The following NUP35 variants were observed in gnomAD, a reference collection of about 807,000 sequenced individuals.
NUP35 encodes the protein nucleoporin 35, also known as nucleoporin NUP35.
A neutral mutation model predicts 41.5 loss-of-function variants in NUP35; 25 were observed. The ratio of observed to expected loss-of-function variants is 0.60; its 90% CI spans 0.44 to 0.84. The LOEUF (loss-of-function observed/expected upper bound fraction) is 0.84, where lower values mean the gene tolerates loss of function less well. Among genes scored for constraint, NUP35 ranks in the 40% least tolerant of loss-of-function variants. NUP35 has a pLI of 0.00. For synonymous variants in NUP35, 149 were observed against 130.7 expected, an observed-to-expected ratio of 1.14 and a Z score of -0.96; for missense variants, 396 against 396.6, an observed-to-expected ratio of 1.00 and a Z score of 0.01.
At chr2:183,129,097 T>G (rs934943714) in intron 2 of NUP35, among the ~76,000 whole-genome samples, 1 of 152,244 alleles carries the variant, frequency 6.6e-6, no homozygotes, top group African/African-American at 2.4e-5. Context: ...GTAATTCATC[T>G]TAAGATACAA....
At chr2:183,123,697 T>C, upstream of NUP35, 1 of 608,414 alleles carries the variant, frequency 1.6e-6, no homozygotes, top group Non-Finnish European at 2.1e-6. Flanking sequence ...TACACACACA[T>C]ATGCAGAATA....
chr2:183,126,594 G>C (rs1684497457), intron 1 of NUP35, among the ~76,000 whole-genome samples: 1 of 150,784 alleles, frequency 6.6e-6, no homozygotes, highest in Admixed American at 6.6e-5. Flanking sequence ...TGTAATTAGA[G>C]TTTTTCACAC....
chr2:183,152,110 A>ACACACACACAC (rs1685486990), intron 5 of NUP35, among the ~76,000 whole-genome samples: 2 of 113,394 alleles, frequency 1.8e-5, no homozygotes, highest in Non-Finnish European at 3.9e-5. Context: ...AACATTTACA[A>ACACACACACAC]ACACACACAC....
chr2:183,149,046 T>G (rs1386780455), intron 4 of NUP35, among the ~76,000 whole-genome samples: 2 of 152,196 alleles, frequency 1.3e-5, no homozygotes, highest in Non-Finnish European at 2.9e-5. Flanking sequence ...CACTTTGGAA[T>G]GAGTTAGGAT....
intron 5 of NUP35, among the ~76,000 whole-genome samples, chr2:183,155,792 G>T (rs1685643396): frequency 6.6e-6 from 1 of 151,980 alleles, no homozygotes; most frequent in African/African-American, 2.4e-5. Flanking sequence ...AGTAGTAGTG[G>T]TTTAACTTTT....
upstream of NUP35, chr2:183,119,949 G>C (rs1700043164): frequency 6.6e-6 from 1 of 152,194 alleles, no homozygotes; most frequent in South Asian, 2.1e-4. Context: ...CTCTTAAAGA[G>C]ATGCTTCTAC....
intron 4 of NUP35, among the ~76,000 whole-genome samples, chr2:183,138,249 A>G (rs1684952337): frequency 1.9e-5 from 2 of 104,262 alleles, no homozygotes; most frequent in Non-Finnish European, 3.8e-5. Context: ...TTAGAGCTAT[A>G]TATATATATA....
intron 4 of NUP35, among the ~76,000 whole-genome samples, chr2:183,141,193 T>G (rs1317828887): frequency 1.3e-5 from 2 of 152,084 alleles, no homozygotes; most frequent in African/African-American, 4.8e-5. Flanking sequence ...AGCATATCAT[T>G]CCATTCCCTG....
intron 1 of NUP35, among the ~76,000 whole-genome samples, chr2:183,125,698 TG>T (rs11295582): frequency 0.2 from 29,702 of 152,150 alleles, 3,051 homozygotes; most frequent in African/African-American, 0.23. Context: ...GCATATTTAT[TG>T]GGGTTACAAA....
At chr2:183,129,572 C>T (rs1205032866) in intron 2 of NUP35, among the ~76,000 whole-genome samples, 3 of 152,094 alleles carry the variant, frequency 2.0e-5, no homozygotes, top group Non-Finnish European at 2.9e-5. Context: ...TGGTAGCCAA[C>T]GTATATTGAT....
At chr2:183,160,498 C>T (rs903313101) in intron 8 of NUP35, 25 of 152,106 alleles carry the variant, frequency 1.6e-4, no homozygotes, top group African/African-American at 5.6e-4. Context: ...GGTGATTCTC[C>T]TGCCTCAGCC....
intron 4 of NUP35, among the ~76,000 whole-genome samples, chr2:183,148,240 C>A (rs1196432694): frequency 6.6e-6 from 1 of 152,146 alleles, no homozygotes; most frequent in Non-Finnish European, 1.5e-5. Context: ...CATATCTTTG[C>A]TATTGTGAAT....
intron 1 of NUP35, among the ~76,000 whole-genome samples, chr2:183,127,046 A>G (rs1321572073): frequency 1.3e-5 from 2 of 152,180 alleles, no homozygotes; most frequent in Non-Finnish European, 1.5e-5. Context: ...GATGCTAGCT[A>G]TGCTTATTCC....
chr2:183,122,609 T>C (rs983511626), upstream of NUP35, among the ~76,000 whole-genome samples: 12 of 152,342 alleles, frequency 7.9e-5, no homozygotes, highest in African/African-American at 2.9e-4. Context: ...TGTTCTTTTG[T>C]TTGGCTAGAT....
rs200967204 is a variant in NUP35 at position 183,133,517 on chromosome 2, G to A, written c.340-49G>A. On this transcript the variant is annotated intron_variant, in intron 3 of 8. Transcript: ENST00000295119. ...TGAATGAAGCCTTTTAACACTTACT[G>A]TATTTATGTTTTGCATTTTTACCAT... The A allele has an allele frequency of 9.9e-4, 1,428 of 1,439,666 alleles. 1 individual carries two copies. Among genetic ancestry groups the A allele is most frequent in the Non-Finnish European group, 1.3e-3 (1,351 of 1,036,132 alleles). 89.2% of individuals were successfully genotyped at this position (1,439,666 alleles called of 1,614,324 possible).
At chr2:183,134,053 G>T (rs1449040490) in intron 4 of NUP35, among the ~76,000 whole-genome samples, 1 of 152,208 alleles carries the variant, frequency 6.6e-6, no homozygotes, top group East Asian at 1.9e-4. Flanking sequence ...AAGGTGTTTT[G>T]AGAGATGTTA....
In NUP35 at chr2:183,161,159, C is replaced by G. The variant is rs377536338; in HGVS notation, c.*28C>G. The G allele has an allele frequency of 3.9e-6, 6 of 1,547,730 alleles. No individual in the cohort carries two copies. The highest frequency in any genetic ancestry group is 4.5e-6 in the Non-Finnish European group (5 of 1,121,522). Reference sequence around the variant, plus strand: ...GAACACCAAGAAGGAGGTTGCTACACTAAAACAGAGTTAGCAGAGTGCTGC... The same window carrying G: ...GAACACCAAGAAGGAGGTTGCTACAGTAAAACAGAGTTAGCAGAGTGCTGC... On this transcript the variant is annotated 3_prime_UTR_variant, in exon 9 of 9. Coordinates refer to ENST00000295119, the MANE Select transcript of NUP35 (RefSeq NM_138285.5).
intron 4 of NUP35, among the ~76,000 whole-genome samples, chr2:183,143,500 A>G (rs1002836555): frequency 6.6e-6 from 1 of 152,152 alleles, no homozygotes; most frequent in Admixed American, 6.5e-5. Flanking sequence ...GGTGTTCTGA[A>G]TATGGGCAGG....
chr2:183,160,878 C>T (rs993003946), intron 8 of NUP35, 176 bp from the exon 9 acceptor site: 18 of 450,770 alleles, frequency 4.0e-5, no homozygotes, highest in African/African-American at 1.6e-4. Flanking sequence ...GTCAGGAGAT[C>T]GAGACCATCC....
Sources: gnomAD v4.1 joint callset for allele counts (sites outside exome capture counted in the v4.1 genomes callset) on GRCh38, gnomAD v4.1.1 for gene constraint, MANE v1.5 for transcripts, NCBI Gene and HGNC (gene_info 2026-07-23, HGNC 2026-07-21) for gene names.